Variants in FAM25C observed in about 807,000 individuals in gnomAD.
FAM25C encodes the protein protein FAM25C.
FAM25C carries 4 observed loss-of-function variants against 9.6 expected under a neutral mutation model. That is an observed-to-expected ratio of 0.42 (90% CI 0.20 to 0.95). The LOEUF (loss-of-function observed/expected upper bound fraction) is 0.95, where lower values mean the gene tolerates loss of function less well. Ranked by LOEUF, FAM25C falls within the 40% of genes least tolerant of loss-of-function variation. FAM25C has a pLI of 0.31. For missense variants in FAM25C, 38 were observed against 110.4 expected (o/e 0.34, Z 2.94); for synonymous variants, 23 against 44.1 (o/e 0.52, Z 1.89).
rs574481243 is a variant in FAM25C at position 47,998,786 on chromosome 10, G to A, written c.73+907C>T. 2.4e-4 allele frequency among the ~76,000 whole-genome samples: 35 copies of A among 143,218 alleles called. No individual in the cohort carries two copies. The South Asian group carries it at 7.2e-3, about 29-fold the overall frequency. The allele number at this position is 143,218 out of a possible 152,430, so 94.0% of individuals were successfully genotyped here. ...ATAGAAAACTCAGAGGCTAGTGAAA[G>A]GTTAAAGCAGGTGGTCCACACCAGC... On this transcript the variant is annotated intron_variant, in intron 1 of 2. Coordinates refer to ENST00000617224, the MANE Select transcript of FAM25C (RefSeq NM_001137548.3).
At chr10:47,997,483 C>T (rs1387391108) in intron 2 of FAM25C, among the ~76,000 whole-genome samples, 194 bp downstream of exon 2, 1 of 151,698 alleles carries the variant, frequency 6.6e-6, no homozygotes, top group South Asian at 2.1e-4. Flanking sequence ...CAGAGAGAAC[C>T]ATCTAGACAG....
chr10:47,995,731 A>G (rs1842792133), intron 2 of FAM25C, among the ~76,000 whole-genome samples: 1 of 149,316 alleles, frequency 6.7e-6, no homozygotes, highest in African/African-American at 2.5e-5. Flanking sequence ...GCATCTACTC[A>G]TGGGTACATT....
intron 2 of FAM25C, among the ~76,000 whole-genome samples, chr10:47,996,821 T>A (rs4838658): frequency 3.0e-5 from 1 of 33,170 alleles, no homozygotes; most frequent in African/African-American, 2.2e-4. Context: ...TACATGTTAA[T>A]TTTTTTTTTT....
At chr10:47,997,061 C>T (rs554895879) in intron 2 of FAM25C, among the ~76,000 whole-genome samples, 17 of 148,518 alleles carry the variant, frequency 1.1e-4, no homozygotes, top group Non-Finnish European at 1.8e-4. Flanking sequence ...CCTCATGATC[C>T]GCCCACCTCA....
chr10:47,996,011 TG>T (rs1370666749), intron 2 of FAM25C, among the ~76,000 whole-genome samples: 1 of 150,254 alleles, frequency 6.7e-6, no homozygotes, highest in Non-Finnish European at 1.5e-5. Flanking sequence ...CCAAAGTCTC[TG>T]AAGTTATTAC....
At chr10:47,997,119 A>AT (rs781968086) in intron 2 of FAM25C, among the ~76,000 whole-genome samples, 3 of 140,238 alleles carry the variant, frequency 2.1e-5, no homozygotes, top group Non-Finnish European at 3.1e-5. Flanking sequence ...GCCCCCAGCA[A>AT]TTTTTTTGAG....
chr10:47,997,300 G>A (rs542632162), intron 2 of FAM25C, among the ~76,000 whole-genome samples: 8 of 147,730 alleles, frequency 5.4e-5, no homozygotes, highest in Admixed American at 2.7e-4. Context: ...TAGTAGAGAC[G>A]GGGTTTCACC....
At chr10:47,996,820 ATTTTTTTTTTTTT>A (rs60497249) in intron 2 of FAM25C, among the ~76,000 whole-genome samples, 18 of 75,078 alleles carry the variant, frequency 2.4e-4, no homozygotes, top group African/African-American at 3.3e-4. Context: ...TTACATGTTA[ATTTTTTTTTTTTT>A]TTTTTTTTTT....
Position 47,995,498 on chromosome 10 carries a change from G to A in FAM25C, c.150C>T (p.Ala50=), listed in dbSNP as rs1842788731. The A allele has an allele frequency of 1.3e-6, 2 of 1,534,144 alleles. No homozygotes were observed. Among genetic ancestry groups the A allele is most frequent in the Non-Finnish European group, 1.7e-6 (2 of 1,145,962 alleles). The part of the protein sequence containing the change: ...KETGEKAIAE[A]IKKAQESGDK... ...CCCCTGACTCCTGGGCTTTCTTTAT[G>A]GCTTCAGCAATGGCTGTTGGAAAGA... The change falls in exon 3 of 3, where the codon GCC becomes GCT. Residue 50 remains alanine (A), a synonymous_variant. Coordinates refer to ENST00000617224, the MANE Select transcript of FAM25C (RefSeq NM_001137548.3).
Position 47,997,438 on chromosome 10 carries a change from C to T in FAM25C, c.136+239G>A, listed in dbSNP as rs529721041. Among the ~76,000 whole-genome samples, 861 of 151,914 alleles carry T rather than the reference C, an allele frequency of 5.7e-3. 12 individuals are homozygous for T. Among genetic ancestry groups the T allele is most frequent in the African/African-American group, 0.019 (774 of 41,492 alleles). On this transcript the variant is annotated intron_variant, in intron 2 of 2. Transcript: ENST00000617224. The stretch of plus-strand genomic sequence containing the variant: ...TAAATGTTTTGTCCCAGTGTGCTGT[C>T]ACATAGTCTTGTGTGACTTTGTCTT...
At chr10:47,995,851 TATA>T (rs1555256403) in intron 2 of FAM25C, among the ~76,000 whole-genome samples, 1 of 150,944 alleles carries the variant, frequency 6.6e-6, no homozygotes, top group Admixed American at 6.6e-5. Context: ...TTCATCAGTG[TATA>T]ATTTTTCTTT....
At chr10:47,996,087 G>A (rs1842796791) in intron 2 of FAM25C, among the ~76,000 whole-genome samples, 1 of 145,958 alleles carries the variant, frequency 6.9e-6, no homozygotes, top group Non-Finnish European at 1.5e-5. Flanking sequence ...CAGTCTTAAT[G>A]TAATGATATT....
chr10:47,998,090 C>T (rs1555256676), intron 1 of FAM25C, among the ~76,000 whole-genome samples: 1 of 151,380 alleles, frequency 6.6e-6, no homozygotes, highest in East Asian at 1.9e-4. Flanking sequence ...TCCCTGAAGC[C>T]CCTTGGCCCT....
intron 2 of FAM25C, among the ~76,000 whole-genome samples, chr10:47,996,998 A>C (rs1396695804): frequency 2.7e-4 from 38 of 141,028 alleles, no homozygotes; most frequent in African/African-American, 9.8e-4. Flanking sequence ...TGCCCAGCTA[A>C]TTTTTTGTAT....
chr10:47,997,193 C>A (rs1842813498), intron 2 of FAM25C, among the ~76,000 whole-genome samples: 2 of 148,792 alleles, frequency 1.3e-5, no homozygotes, highest in African/African-American at 4.9e-5. Context: ...ACTGCAAGCT[C>A]TGCCTCCCAG....
chr10:47,997,536 T>C (rs1395536814), intron 2 of FAM25C, 141 bp downstream of exon 2: 4 of 797,614 alleles, frequency 5.0e-6, no homozygotes, highest in Non-Finnish European at 8.4e-6. Context: ...TGAGCATAGA[T>C]AACTGCCCCA....
At chr10:47,997,292 G>T (rs1362267316) in intron 2 of FAM25C, among the ~76,000 whole-genome samples, 3 of 148,126 alleles carry the variant, frequency 2.0e-5, no homozygotes, top group African/African-American at 7.5e-5. Context: ...TGTATTTTTA[G>T]TAGAGACGGG....
intron 2 of FAM25C, among the ~76,000 whole-genome samples, chr10:47,997,340 A>G (rs1226327362): frequency 1.3e-5 from 2 of 150,968 alleles, no homozygotes; most frequent in Admixed American, 6.6e-5. Flanking sequence ...CGATCTCCTG[A>G]CCTCGTGATC....
chr10:47,997,666 G>C lies in FAM25C; in HGVS notation c.136+11C>G, dbSNP rs1555256631. ...CTCCCTCCTTCCCTGCCCGACCTCAGCCGGCTGTACCTTTCTCTCCAGTCT... is the reference window on the plus strand; with the variant it reads ...CTCCCTCCTTCCCTGCCCGACCTCACCCGGCTGTACCTTTCTCTCCAGTCT... On this transcript the variant is annotated intron_variant, in intron 2 of 2. Transcript: ENST00000617224. The C allele has an allele frequency of 1.4e-6, 2 of 1,474,896 alleles. No individual in the cohort carries two copies. Among genetic ancestry groups the C allele is most frequent in the Admixed American group, 2.0e-5 (1 of 50,652 alleles). The allele number at this position is 1,474,896 out of a possible 1,614,324, so 91.4% of individuals were successfully genotyped here. A position where few individuals can be genotyped will look rare whatever the true frequency, so the allele number is the denominator to read the frequency against.
Sources: allele counts gnomAD v4.1 joint callset (sites outside exome capture counted in the v4.1 genomes callset), GRCh38; gene constraint gnomAD v4.1.1; transcripts MANE v1.5; gene names NCBI Gene and HGNC (gene_info 2026-07-23, HGNC 2026-07-21).